Variants in SEMA4D observed in about 807,000 individuals in gnomAD.
SEMA4D encodes semaphorin-4D.
Under a neutral mutation model 74.8 loss-of-function variants are expected in SEMA4D, and 22 were observed. The ratio of observed to expected loss-of-function variants is 0.29; its 90% CI spans 0.21 to 0.42. The LOEUF (loss-of-function observed/expected upper bound fraction) is 0.42, where lower values mean the gene tolerates loss of function less well. Among genes scored for constraint, SEMA4D ranks in the 10% least tolerant of loss-of-function variants. SEMA4D has a pLI of 1.00. For synonymous variants in SEMA4D, 445 were observed against 463.7 expected (o/e 0.96, Z 0.52); for missense variants, 937 against 1,118.4 (o/e 0.84, Z 2.31).
At chr9:89,403,043 G>A in intron 3 of SEMA4D, 27 bp from the exon 4 acceptor site, 1 of 1,593,132 alleles carries the variant, frequency 6.3e-7, no homozygotes, top group Non-Finnish European at 8.6e-7. Context: ...CAGGGTCAGA[G>A]TGGGAGGAAG....
At chr9:89,379,916 G>A (rs1836628651) in intron 15 of SEMA4D, among the ~76,000 whole-genome samples, 1 of 152,238 alleles carries the variant, frequency 6.6e-6, no homozygotes, top group Admixed American at 6.5e-5. Flanking sequence ...CTGAGCAGAG[G>A]CCAGTTCTGT....
At chr9:89,404,445 T>C (rs1842837431) in intron 3 of SEMA4D, among the ~76,000 whole-genome samples, 1 of 152,188 alleles carries the variant, frequency 6.6e-6, no homozygotes, top group East Asian at 1.9e-4. Context: ...TGAGTAGGCC[T>C]GTCTGCTCAG....
intron 2 of SEMA4D, among the ~76,000 whole-genome samples, chr9:89,412,143 T>G (rs994341948): frequency 1.3e-5 from 2 of 152,070 alleles, no homozygotes; most frequent in African/African-American, 4.8e-5. Context: ...TAAAAACGCC[T>G]CCCTGACTTA....
chr9:89,491,287 A>C (rs908699477), intron 1 of SEMA4D, among the ~76,000 whole-genome samples: 1 of 152,148 alleles, frequency 6.6e-6, no homozygotes, highest in African/African-American at 2.4e-5. Flanking sequence ...CAGATGGCTG[A>C]GTCTGGGCAC....
At position 89,418,362 on chromosome 9, in the gene SEMA4D, C is replaced by G. The variant is rs1419135606; in HGVS notation, c.-243-12663G>C. On this transcript the variant is annotated intron_variant, in intron 2 of 15. Coordinates refer to ENST00000422704, the MANE Select transcript of SEMA4D (RefSeq NM_001371194.2). The stretch of plus-strand genomic sequence containing the variant: ...AGGGGAAGGGCAGCCCAGCCCGTTA[C>G]CTGGTGCTAGAGATGAGCCCCAGGA... 1.1e-5 allele frequency: 11 copies of G among 985,176 alleles called. No individual in the cohort carries two copies. In the South Asian group the frequency reaches 4.2e-4, roughly 38 times the overall value. 61.0% of individuals were successfully genotyped at this position (985,176 alleles called of 1,614,324 possible).
At position 89,379,271 on chromosome 9, in the gene SEMA4D, C is replaced by T; in HGVS notation, c.2022G>A (p.Val674=). Residue 674 remains valine (V), a synonymous_variant, in exon 16 of 16, where the codon GTG becomes GTA. Coordinates refer to ENST00000422704, the MANE Select transcript of SEMA4D (RefSeq NM_001371194.2). ...GGGGAGAAGACCCTTGGGTGGATGC[C>T]ACCAACACTTTGGTGGCAATCCTAC... ...EGSRIATKVL[V]ASTQGSSPPT... 3 of 1,614,054 alleles carry T rather than the reference C, an allele frequency of 1.9e-6. No individual in the cohort carries two copies. The highest frequency in any genetic ancestry group is 2.5e-6 in the Non-Finnish European group (3 of 1,180,012).
intron 16 of SEMA4D, among the ~76,000 whole-genome samples, chr9:89,371,406 T>TG (rs1834726980): frequency 1.2e-5 from 1 of 86,844 alleles, no homozygotes; most frequent in Non-Finnish European, 2.2e-5. Context: ...GGTGTGTGTC[T>TG]GGGGTGTGGT....
chr9:89,411,766 G>A (rs1399190861), intron 2 of SEMA4D, among the ~76,000 whole-genome samples: 2 of 152,260 alleles, frequency 1.3e-5, no homozygotes, highest in African/African-American at 2.4e-5. Flanking sequence ...GACGGGAAGA[G>A]TGAGCTGACT....
chr9:89,364,885 C>T (rs544387189), intron 16 of SEMA4D: 1 of 142,022 alleles, frequency 7.0e-6, no homozygotes, highest in Non-Finnish European at 1.5e-5. Context: ...AGGGCTACTC[C>T]TAGACACTAT....
At chr9:89,410,398 C>A (rs1256231349) in intron 2 of SEMA4D, among the ~76,000 whole-genome samples, 1 of 152,178 alleles carries the variant, frequency 6.6e-6, no homozygotes, top group East Asian at 1.9e-4. Flanking sequence ...TCACACACCA[C>A]CAGAGCTGAC....
chr9:89,383,476 G>T lies in SEMA4D; in HGVS notation c.1447-2130C>A, dbSNP rs137959583. Among the ~76,000 whole-genome samples, 239 of 152,266 alleles carry T rather than the reference G, an allele frequency of 1.6e-3. 1 individual carries two copies. The highest frequency in any genetic ancestry group is 5.5e-3 in the African/African-American group (230 of 41,546). ...ACACCAGACACACCACAAAACACCA[G>T]ACTACTCCTCTCCAGGAGTGCTGAG... On this transcript the variant is annotated intron_variant, in intron 13 of 15. Transcript: ENST00000422704.
chr9:89,449,884 A>G (rs1382237014), intron 2 of SEMA4D: 1 of 1,479,362 alleles, frequency 6.8e-7, no homozygotes, highest in African/African-American at 1.4e-5. Flanking sequence ...GTAAAAATTG[A>G]CCTTGGGGTC....
At chr9:89,397,597 G>A (rs1270061507) in intron 5 of SEMA4D, among the ~76,000 whole-genome samples, 2 of 152,190 alleles carry the variant, frequency 1.3e-5, no homozygotes, top group African/African-American at 4.8e-5. Context: ...CCCAGATTAG[G>A]AGAGTTCTCT....
intron 18 of SEMA4D, among the ~76,000 whole-genome samples, chr9:89,362,768 G>A (rs762630075): frequency 2.0e-5 from 3 of 152,252 alleles, no homozygotes; most frequent in South Asian, 2.1e-4. Context: ...TGGCAGCCAC[G>A]TAACCCACAC....
At chr9:89,376,832 C>CCTGT (rs1455207540), downstream of SEMA4D, 3 of 1,547,662 alleles carry the variant, frequency 1.9e-6, no homozygotes, top group East Asian at 7.4e-5. Flanking sequence ...GCCCAACTCA[C>CCTGT]CTGTGGCCTG....
At chr9:89,401,273 T>C (rs1314306602) in intron 4 of SEMA4D, among the ~76,000 whole-genome samples, 1 of 152,142 alleles carries the variant, frequency 6.6e-6, no homozygotes, top group Non-Finnish European at 1.5e-5. Flanking sequence ...CCCAGGCTGG[T>C]CTCAAACTCT....
At chr9:89,490,573 C>T (rs1366270971) in intron 1 of SEMA4D, among the ~76,000 whole-genome samples, 2 of 152,126 alleles carry the variant, frequency 1.3e-5, no homozygotes, top group African/African-American at 2.4e-5. Flanking sequence ...CTCTGCCCAA[C>T]GGTAGGCTAA....
intron 9 of SEMA4D, 21 bp from the exon 10 acceptor site, chr9:89,389,068 C>A (rs201170526): frequency 6.2e-7 from 1 of 1,613,440 alleles, no homozygotes; most frequent in East Asian, 2.2e-5. Flanking sequence ...AACAAGAAGA[C>A]GTGGTGGGCC....
chr9:89,399,292 T>C lies in SEMA4D; in HGVS notation c.299A>G (p.Lys100Arg), dbSNP rs1841679536. Residue 100 changes from lysine (K) to arginine (R), a missense_variant, in exon 5 of 16, where the codon AAG (lysine) becomes AGG (arginine). Coordinates refer to ENST00000422704, the MANE Select transcript of SEMA4D (RefSeq NM_001371194.2). ...SEDKKAKCAE[K>R]GKSKQTECLN... The stretch of plus-strand genomic sequence containing the variant: ...GAAATTTACCTGTTTTGATTTCCCC[T>C]TTTCTGCACATTTTGCTTTTTTGTC... 6.2e-7 allele frequency: 1 copy of C among 1,613,730 alleles called. No homozygotes were observed. Among genetic ancestry groups the C allele is most frequent in the Non-Finnish European group, 8.5e-7 (1 of 1,179,548 alleles).
Sources: allele counts gnomAD v4.1 joint callset (sites outside exome capture counted in the v4.1 genomes callset), GRCh38; gene constraint gnomAD v4.1.1; transcripts MANE v1.5; gene names NCBI Gene and HGNC (gene_info 2026-07-23, HGNC 2026-07-21).